DPYD: variants seen among roughly 807,000 people sequenced by gnomAD.
The protein encoded by DPYD is dihydropyrimidine dehydrogenase, also known as dihydropyrimidine dehydrogenase [NADP(+)].
Under a neutral mutation model 116.2 loss-of-function variants are expected in DPYD, and 109 were observed. That is an observed-to-expected ratio of 0.94 (90% CI 0.80 to 1.10). The LOEUF is 1.10. Ranked by LOEUF, DPYD falls within the 50% of genes least tolerant of loss-of-function variation. DPYD has a pLI of 0.00. For missense variants in DPYD, 1,302 were observed against 1,254.5 expected (o/e 1.04, Z -0.57); for synonymous variants, 440 against 432.0 (o/e 1.02, Z -0.23).
intron 3 of DPYD, among the ~76,000 whole-genome samples, chr1:97,814,129 C>T (rs1668465677): frequency 6.6e-6 from 1 of 152,058 alleles, no homozygotes; most frequent in African/African-American, 2.4e-5. Flanking sequence ...AAGCTGAGAG[C>T]TGAATAGCAA....
chr1:97,639,795 A>T (rs781492489), intron 8 of DPYD, among the ~76,000 whole-genome samples: 18 of 152,182 alleles, frequency 1.2e-4, no homozygotes, highest in Non-Finnish European at 2.6e-4. Context: ...AATTCAAGAA[A>T]CTACTATGGA....
intron 8 of DPYD, among the ~76,000 whole-genome samples, chr1:97,665,150 T>C (rs868591413): frequency 2.0e-4 from 30 of 152,044 alleles, no homozygotes; most frequent in Admixed American, 5.9e-4. Context: ...AACATAACAT[T>C]GATTCAACTT....
In DPYD at chr1:97,679,105, G is replaced by A. The variant is rs557212505; in HGVS notation, c.840C>T (p.Phe280=). Residue 280 remains phenylalanine, a synonymous_variant, in exon 8 of 23, where the codon TTC becomes TTT. Coordinates refer to ENST00000370192, the MANE Select transcript of DPYD (RefSeq NM_000110.4). ...GAGTAAACTACTCACCTATTCCAAT[G>A]AAAGCAGCTTTGTAGCCTTTTTCTT... The part of the protein sequence containing the change: ...TLKEKGYKAA[F]IGIGLPEPNK... 1 of 1,558,558 alleles carries A rather than the reference G, an allele frequency of 6.4e-7. No homozygotes were observed. The highest frequency in any genetic ancestry group is 1.7e-5 in the Admixed American group (1 of 58,230).
At chr1:97,842,328 T>C (rs1311222608) in intron 2 of DPYD, among the ~76,000 whole-genome samples, 1 of 151,960 alleles carries the variant, frequency 6.6e-6, no homozygotes, top group Non-Finnish European at 1.5e-5. Flanking sequence ...GAATAACAAG[T>C]ATAATAAAAT....
chr1:97,561,947 T>A (rs762206504), intron 11 of DPYD, among the ~76,000 whole-genome samples: 2 of 152,232 alleles, frequency 1.3e-5, no homozygotes, highest in Non-Finnish European at 2.9e-5. Flanking sequence ...CAGAAATTTA[T>A]CTGTTTCTCC....
chr1:97,657,716 C>T (rs1292147661), intron 8 of DPYD, among the ~76,000 whole-genome samples: 1 of 152,106 alleles, frequency 6.6e-6, no homozygotes, highest in Non-Finnish European at 1.5e-5. Flanking sequence ...GTTTATGCTG[C>T]AATTTTTATC....
At chr1:97,617,083 T>G (rs768717571) in intron 8 of DPYD, among the ~76,000 whole-genome samples, 4 of 152,104 alleles carry the variant, frequency 2.6e-5, no homozygotes, top group Non-Finnish European at 5.9e-5. Flanking sequence ...ACACATGCAG[T>G]CCAAGCTGCT....
At chr1:97,572,580 T>G (rs1652974955) in intron 11 of DPYD, among the ~76,000 whole-genome samples, 1 of 151,978 alleles carries the variant, frequency 6.6e-6, no homozygotes, top group African/African-American at 2.4e-5. Context: ...GTAAGAAGAA[T>G]GGGATTTTTA....
intron 20 of DPYD, among the ~76,000 whole-genome samples, chr1:97,147,696 T>C (rs1654727079): frequency 6.6e-6 from 1 of 152,156 alleles, no homozygotes; most frequent in South Asian, 2.1e-4. Flanking sequence ...CTTACACATA[T>C]TTCTCAAGTT....
chr1:97,446,301 G>T (rs56296115), intron 14 of DPYD, among the ~76,000 whole-genome samples: 5,411 of 152,160 alleles, frequency 0.036, 134 homozygotes, highest in East Asian at 0.11. Flanking sequence ...TTTGTTTTAT[G>T]CCTTCAAAAA....
chr1:97,100,611 C>T (rs1297683328), intron 20 of DPYD, among the ~76,000 whole-genome samples: 1 of 152,042 alleles, frequency 6.6e-6, no homozygotes, highest in African/African-American at 2.4e-5. Context: ...CTAATTTCAC[C>T]TAAGAGTTTT....
chr1:97,512,905 GAC>G (rs1208929112), intron 13 of DPYD, among the ~76,000 whole-genome samples: 1 of 151,736 alleles, frequency 6.6e-6, no homozygotes, highest in Non-Finnish European at 1.5e-5. Flanking sequence ...TTCTTGGAAA[GAC>G]AGATTTGAAG....
At chr1:97,776,967 C>T (rs539189309) in intron 3 of DPYD, among the ~76,000 whole-genome samples, 11 of 152,224 alleles carry the variant, frequency 7.2e-5, no homozygotes, top group Non-Finnish European at 1.0e-4. Flanking sequence ...AAGCTACAAA[C>T]GTGAGTTTTA....
At chr1:97,377,381 T>C (rs1671694529) in intron 15 of DPYD, among the ~76,000 whole-genome samples, 1 of 151,152 alleles carries the variant, frequency 6.6e-6, no homozygotes, top group Non-Finnish European at 1.5e-5. Flanking sequence ...CTAAATACTT[T>C]ATCTATCTAC....
chr1:97,367,727 T>A (rs1051313870), intron 16 of DPYD, among the ~76,000 whole-genome samples: 1 of 152,186 alleles, frequency 6.6e-6, no homozygotes, highest in East Asian at 1.9e-4. Flanking sequence ...TAAATGAGTG[T>A]ATACTAAATA....
In DPYD at chr1:97,382,450, A is replaced by G. The variant is rs1557672515; in HGVS notation, c.1917T>C (p.Ala639=). Residue 639 remains alanine (A), a synonymous_variant, in exon 15 of 23, where the codon GCT becomes GCC. Transcript: ENST00000370192. Reference sequence around the variant, plus strand: ...TTTTATTGTAACTGCACATAATGCTAGCAATCACAATCTTTAAAAAGAAAA... The same window carrying G: ...TTTTATTGTAACTGCACATAATGCTGGCAATCACAATCTTTAAAAAGAAAA... ...KADFPDNIVI[A]SIMCSYNKND... 1 of 1,588,290 alleles carries G rather than the reference A, an allele frequency of 6.3e-7. No individual in the cohort carries two copies. The highest frequency in any genetic ancestry group is 8.6e-7 in the Non-Finnish European group (1 of 1,167,272).
intron 2 of DPYD, among the ~76,000 whole-genome samples, chr1:97,871,679 T>C (rs1244364670): frequency 6.6e-6 from 1 of 151,728 alleles, no homozygotes; most frequent in Non-Finnish European, 1.5e-5. Flanking sequence ...TTTCTCTCTC[T>C]CTTCTTTCTG....
chr1:97,288,856 TAG>T lies in DPYD; in HGVS notation c.2299+16401_2299+16402del, dbSNP rs754779484. On this transcript the variant is annotated intron_variant, in intron 18 of 22. Coordinates refer to ENST00000370192, the MANE Select transcript of DPYD (RefSeq NM_000110.4). ...AAAATCAGAGCACAACTGAAGGAAA[TAG>T]AGACACAAAAAACCCTTCAAAAAAT... 1.1e-3 allele frequency among the ~76,000 whole-genome samples: 173 copies of T among 151,478 alleles called. 2 individuals are homozygous for T. Among genetic ancestry groups the T allele is most frequent in the Non-Finnish European group, 1.7e-3 (118 of 67,860 alleles).
chr1:97,463,759 G>T (rs1289824179), intron 13 of DPYD, among the ~76,000 whole-genome samples: 1 of 152,136 alleles, frequency 6.6e-6, no homozygotes, highest in African/African-American at 2.4e-5. Flanking sequence ...GACTTTTGTT[G>T]TTTTAGCAAA....
Sources: allele counts gnomAD v4.1 joint callset (sites outside exome capture counted in the v4.1 genomes callset), GRCh38; gene constraint gnomAD v4.1.1; transcripts MANE v1.5; gene names NCBI Gene and HGNC (gene_info 2026-07-23, HGNC 2026-07-21).